TPO: variants seen among roughly 807,000 people sequenced by gnomAD.
TPO encodes the protein thyroid microsomal antigen.
Under a neutral mutation model 96.9 loss-of-function variants are expected in TPO, and 78 were observed. The ratio of observed to expected loss-of-function variants is 0.81; its 90% CI spans 0.67 to 0.97. The LOEUF is 0.97. Among genes scored for constraint, TPO ranks in the 50% least tolerant of loss-of-function variants. The pLI is 0.00. For synonymous variants in TPO, 547 were observed against 538.0 expected (o/e 1.02, Z -0.23); for missense variants, 1,252 against 1,274.8 (o/e 0.98, Z 0.27).
At chr2:1,486,672 A>G (rs1320354638) in intron 9 of TPO, among the ~76,000 whole-genome samples, 2 of 152,124 alleles carry the variant, frequency 1.3e-5, no homozygotes, top group African/African-American at 4.8e-5. Context: ...CTATTCCCCC[A>G]ATTAGTTTTT....
At position 1,540,701 on chromosome 2, in the gene TPO, C is replaced by T; in HGVS notation, c.2726C>T (p.Ala909Val). The T allele has an allele frequency of 1.2e-6, 2 of 1,613,386 alleles. No homozygotes were observed. The highest frequency in any genetic ancestry group is 1.7e-6 in the Non-Finnish European group (2 of 1,180,050). ...GCCGTAGGGACCTCACCGCAGCGGG[C>T]CGCAGCTCAGGACTCGGAGCAGGTG... is the stretch of plus-strand genomic sequence containing the variant. The part of the protein sequence containing the change: ...HQAVGTSPQR[A>V]AAQDSEQESA... The change falls in exon 16 of 17, where the codon GCC (alanine) becomes GTC (valine). Residue 909 changes from alanine (A) to valine (V), a missense_variant. Coordinates refer to ENST00000329066, the MANE Select transcript of TPO (RefSeq NM_001206744.2).
intron 8 of TPO, 90 bp from the exon 9 acceptor site, chr2:1,484,506 G>A: frequency 6.4e-7 from 1 of 1,564,220 alleles, no homozygotes; most frequent in South Asian, 1.1e-5. Flanking sequence ...CCCTGGGGCT[G>A]TCAAGGAAGA....
At chr2:1,385,218 C>T (rs532978343) in intron 1 of TPO, among the ~76,000 whole-genome samples, 72 of 152,260 alleles carry the variant, frequency 4.7e-4, no homozygotes, top group African/African-American at 1.6e-3. Flanking sequence ...ATGATGCTGG[C>T]CTCATAAAAT....
chr2:1,464,126 T>C (rs1668688116), intron 7 of TPO, among the ~76,000 whole-genome samples: 1 of 152,202 alleles, frequency 6.6e-6, no homozygotes, highest in Non-Finnish European at 1.5e-5. Context: ...GAGGTGTCAC[T>C]TATGAGTGAG....
intron 13 of TPO, 45 bp from the exon 14 acceptor site, chr2:1,503,903 G>A (rs771319337): frequency 3.7e-6 from 6 of 1,613,914 alleles, no homozygotes; most frequent in Non-Finnish European, 5.1e-6. Flanking sequence ...GGAGATGGGG[G>A]TGCAGCCGCT....
intron 1 of TPO, among the ~76,000 whole-genome samples, chr2:1,385,717 G>A (rs964794422): frequency 2.0e-5 from 3 of 151,364 alleles, no homozygotes; most frequent in Non-Finnish European, 4.4e-5. Flanking sequence ...ATCTACTTCA[G>A]TTCTGCTCTG....
At chr2:1,537,472 AAATTCTTC>A (rs1680045205) in intron 15 of TPO, among the ~76,000 whole-genome samples, 1 of 122,752 alleles carries the variant, frequency 8.1e-6, no homozygotes, top group African/African-American at 3.3e-5. Flanking sequence ...CAACCTCCTC[AAATTCTTC>A]CACTCTGTGC....
intron 14 of TPO, chr2:1,512,309 C>A (rs1674231803): frequency 1.3e-6 from 1 of 759,124 alleles, no homozygotes; most frequent in Non-Finnish European, 1.6e-6. Context: ...AAATGTGTCT[C>A]TAGAGTTGAG....
At chr2:1,381,409 C>T (rs1661809905) in intron 1 of TPO, among the ~76,000 whole-genome samples, 1 of 152,094 alleles carries the variant, frequency 6.6e-6, no homozygotes, top group Admixed American at 6.5e-5. Flanking sequence ...AAAAGAAAGC[C>T]ATAGACTTTT....
chr2:1,460,130 T>C (rs577184682), intron 7 of TPO, among the ~76,000 whole-genome samples: 19 of 152,066 alleles, frequency 1.2e-4, no homozygotes, highest in African/African-American at 4.6e-4. Flanking sequence ...GAGATGGGGT[T>C]TCATCGTGTT....
intron 14 of TPO, among the ~76,000 whole-genome samples, chr2:1,514,177 G>C (rs1332809860): frequency 1.3e-5 from 2 of 152,302 alleles, no homozygotes; most frequent in South Asian, 2.1e-4. Flanking sequence ...CTCAAGCAGA[G>C]AGTCAGGAAA....
chr2:1,527,185 G>A (rs1357964828), intron 15 of TPO, among the ~76,000 whole-genome samples: 3 of 88,826 alleles, frequency 3.4e-5, no homozygotes, highest in Non-Finnish European at 4.0e-5. Flanking sequence ...CCCTCCCACT[G>A]TGTGCAACCG....
chr2:1,411,372 C>T (rs910402859), upstream of TPO, among the ~76,000 whole-genome samples: 1 of 152,142 alleles, frequency 6.6e-6, no homozygotes, highest in Non-Finnish European at 1.5e-5. Context: ...CTCGGCCTCC[C>T]CCAGCTGTGC....
In TPO at chr2:1,449,202, ATG is replaced by A. The variant is rs573919756; in HGVS notation, c.483-4490_483-4489del. On this transcript the variant is annotated intron_variant, in intron 5 of 16. Coordinates refer to ENST00000329066, the MANE Select transcript of TPO (RefSeq NM_001206744.2). ...CTGGGTTTAACATAGAATTTGCTAT[ATG>A]TAACTTGGTATATCATTCTCTATAG... Among the ~76,000 whole-genome samples, 518 of 152,350 alleles carry A rather than the reference ATG, an allele frequency of 3.4e-3. 8 individuals are homozygous for A. The highest frequency in any genetic ancestry group is 2.3e-3 in the Non-Finnish European group (159 of 68,044).
At chr2:1,380,040 A>G (rs958587457) in intron 1 of TPO, among the ~76,000 whole-genome samples, 32 of 152,184 alleles carry the variant, frequency 2.1e-4, no homozygotes, top group Non-Finnish European at 4.3e-4. Flanking sequence ...AAGATTACGT[A>G]GAAAATCTAT....
intron 5 of TPO, among the ~76,000 whole-genome samples, chr2:1,445,741 G>T (rs1276076468): frequency 8.2e-6 from 1 of 121,848 alleles, no homozygotes; most frequent in Non-Finnish European, 1.8e-5. Context: ...TGCTGCAGGA[G>T]GTACCATGTT....
At position 1,416,577 on chromosome 2, in the gene TPO, T is replaced by C. The variant is rs17091633; in HGVS notation, c.94+2075T>C. Among the ~76,000 whole-genome samples, 1,012 of 152,394 alleles carry C rather than the reference T, an allele frequency of 6.6e-3. 40 individuals carry two copies. In the East Asian group the frequency reaches 0.089, roughly 13 times the overall value. On this transcript the variant is annotated intron_variant, in intron 2 of 16. Coordinates refer to ENST00000329066, the MANE Select transcript of TPO (RefSeq NM_001206744.2). ...GACCTTTTCGTTTTGCTTAAACTTT[T>C]GGTTGACACATCACGAGTGCACAGG...
At position 1,496,010 on chromosome 2, in the gene TPO, C is replaced by T. The variant is rs747296289; in HGVS notation, c.2028C>T (p.His676=). 3.3e-5 allele frequency: 54 copies of T among 1,612,902 alleles called. No individual in the cohort carries two copies. The highest frequency in any genetic ancestry group is 4.2e-5 in the Non-Finnish European group (49 of 1,179,996). Residue 676 remains histidine, a synonymous_variant, in exon 12 of 17, where the codon CAC becomes CAT. Transcript: ENST00000329066. Reference sequence around the variant, plus strand: ...GGAGGTTTTGGTGGGAGAACAGCCACGTCTTCACGGATGCACAGAGGCGTG... The same window carrying T: ...GGAGGTTTTGGTGGGAGAACAGCCATGTCTTCACGGATGCACAGAGGCGTG... ...DGDWFWWENS[H]VFTDAQRREL...
chr2:1,494,437 T>G (rs1672126005), intron 11 of TPO, among the ~76,000 whole-genome samples: 1 of 152,202 alleles, frequency 6.6e-6, no homozygotes, highest in Non-Finnish European at 1.5e-5. Flanking sequence ...CCATGCCCGG[T>G]GCTCATGGAT....
Sources: gnomAD v4.1 joint callset for allele counts (sites outside exome capture counted in the v4.1 genomes callset) on GRCh38, gnomAD v4.1.1 for gene constraint, MANE v1.5 for transcripts, NCBI Gene and HGNC (gene_info 2026-07-23, HGNC 2026-07-21) for gene names.